ASIC2: variants seen among roughly 807,000 people sequenced by gnomAD.
The protein encoded by ASIC2 is acid sensing ion channel subunit 2.
ASIC2 carries 25 observed loss-of-function variants against 57.3 expected under a neutral mutation model. That is an observed-to-expected ratio of 0.44 (90% CI 0.32 to 0.61). The LOEUF (loss-of-function observed/expected upper bound fraction) is 0.61, where lower values mean the gene tolerates loss of function less well. Among genes scored for constraint, ASIC2 ranks in the 20% least tolerant of loss-of-function variants. ASIC2 has a pLI of 0.06. For missense variants in ASIC2, 641 were observed against 738.1 expected (o/e 0.87, Z 1.52); for synonymous variants, 319 against 307.5 (o/e 1.04, Z -0.39).
chr17:33,636,707 C>T (rs982515307), intron 1 of ASIC2, among the ~76,000 whole-genome samples: 2 of 152,154 alleles, frequency 1.3e-5, no homozygotes, highest in Non-Finnish European at 2.9e-5. Flanking sequence ...TTCTGAAAGT[C>T]TTTATCTGGA....
At chr17:34,136,664 C>A (rs1912135407) in intron 1 of ASIC2, among the ~76,000 whole-genome samples, 1 of 152,176 alleles carries the variant, frequency 6.6e-6, no homozygotes, top group Non-Finnish European at 1.5e-5. Flanking sequence ...ATGTCTTTGC[C>A]TGTAACTTCT....
At chr17:33,063,358 C>T (rs1181236073) in intron 3 of ASIC2, among the ~76,000 whole-genome samples, 14 of 152,160 alleles carry the variant, frequency 9.2e-5, no homozygotes, top group East Asian at 1.9e-4. Flanking sequence ...GCAGGCCTGG[C>T]GGTGACAAAA....
chr17:34,105,883 T>C (rs1911031334), intron 1 of ASIC2, among the ~76,000 whole-genome samples: 1 of 152,044 alleles, frequency 6.6e-6, no homozygotes, highest in African/African-American at 2.4e-5. Context: ...ACATAACCAC[T>C]GCAATTATTA....
At chr17:33,199,588 T>TA (rs1180778820) in intron 1 of ASIC2, among the ~76,000 whole-genome samples, 1 of 152,242 alleles carries the variant, frequency 6.6e-6, no homozygotes, top group African/African-American at 2.4e-5. Context: ...CATAAAGTGA[T>TA]ACAGCAGCAT....
At chr17:33,791,371 T>C (rs1404733773) in intron 1 of ASIC2, among the ~76,000 whole-genome samples, 2 of 152,122 alleles carry the variant, frequency 1.3e-5, no homozygotes, top group Admixed American at 6.5e-5. Context: ...AGGGTGTAAA[T>C]AGGCTATCAG....
chr17:33,373,724 C>T (rs1330076613), intron 1 of ASIC2, among the ~76,000 whole-genome samples: 1 of 152,072 alleles, frequency 6.6e-6, no homozygotes, highest in Admixed American at 6.6e-5. Context: ...GTTGCCCAGG[C>T]TGGAGTACAG....
At chr17:33,584,322 G>A (rs1904542816) in intron 1 of ASIC2, among the ~76,000 whole-genome samples, 2 of 152,154 alleles carry the variant, frequency 1.3e-5, no homozygotes, top group Admixed American at 6.5e-5. Flanking sequence ...CTGGAAGCTG[G>A]TTCTTAGAGT....
At chr17:33,411,399 T>A (rs1488308535) in intron 1 of ASIC2, among the ~76,000 whole-genome samples, 2 of 152,220 alleles carry the variant, frequency 1.3e-5, no homozygotes, top group African/African-American at 2.4e-5. Context: ...CAGGCCAGAT[T>A]TCCAGAACTG....
At chr17:33,170,328 G>C (rs1185582732) in intron 1 of ASIC2, among the ~76,000 whole-genome samples, 1 of 152,160 alleles carries the variant, frequency 6.6e-6, no homozygotes, top group Non-Finnish European at 1.5e-5. Flanking sequence ...ATTACAAAAA[G>C]ATTCACCTCT....
chr17:33,776,224 G>T (rs931078680), intron 1 of ASIC2, among the ~76,000 whole-genome samples: 2 of 152,158 alleles, frequency 1.3e-5, no homozygotes, highest in African/African-American at 4.8e-5. Flanking sequence ...ATTGGTATTA[G>T]GAGGTGGGGC....
At chr17:33,290,423 A>G (rs536655946) in intron 1 of ASIC2, among the ~76,000 whole-genome samples, 15 of 152,260 alleles carry the variant, frequency 9.9e-5, no homozygotes, top group Non-Finnish European at 2.1e-4. Context: ...ACATTTACAC[A>G]CGAATGGCTG....
At chr17:33,706,196 A>T (rs1318412327) in intron 1 of ASIC2, among the ~76,000 whole-genome samples, 1 of 107,262 alleles carries the variant, frequency 9.3e-6, no homozygotes, top group African/African-American at 4.0e-5. Context: ...GACTATACAT[A>T]TATGATTCAT....
intron 1 of ASIC2, among the ~76,000 whole-genome samples, chr17:33,246,835 C>CA (rs1597649449): frequency 1.3e-5 from 2 of 152,196 alleles, no homozygotes; most frequent in African/African-American, 4.8e-5. Flanking sequence ...CAAGCTCACA[C>CA]AGTGAGTCGG....
At chr17:33,595,855 A>G (rs901138962) in intron 1 of ASIC2, among the ~76,000 whole-genome samples, 1 of 152,204 alleles carries the variant, frequency 6.6e-6, no homozygotes, top group Non-Finnish European at 1.5e-5. Context: ...TTCCCATGAG[A>G]GGCTGGGCCC....
chr17:33,873,791 G>A (rs1428251256), intron 1 of ASIC2, among the ~76,000 whole-genome samples: 1 of 152,150 alleles, frequency 6.6e-6, no homozygotes, highest in African/African-American at 2.4e-5. Flanking sequence ...CAGAGAGAAT[G>A]AGAATCATGC....
At chr17:33,128,785 C>T (rs1271161894) in intron 1 of ASIC2, among the ~76,000 whole-genome samples, 1 of 152,226 alleles carries the variant, frequency 6.6e-6, no homozygotes, top group East Asian at 1.9e-4. Flanking sequence ...CCAACACTCA[C>T]AGTCGGTGAA....
chr17:33,172,518 C>G (rs892445164), intron 1 of ASIC2, among the ~76,000 whole-genome samples: 1 of 152,094 alleles, frequency 6.6e-6, no homozygotes, highest in African/African-American at 2.4e-5. Flanking sequence ...TCCTTACCCC[C>G]TAGGAGACAA....
intron 1 of ASIC2, among the ~76,000 whole-genome samples, chr17:33,891,070 G>A (rs1914949933): frequency 6.6e-6 from 1 of 152,192 alleles, no homozygotes; most frequent in Non-Finnish European, 1.5e-5. Context: ...GGTGCCTGAT[G>A]TAGAGGAGTG....
At chr17:33,518,387 A>C (rs1271286374) in intron 1 of ASIC2, among the ~76,000 whole-genome samples, 1 of 152,176 alleles carries the variant, frequency 6.6e-6, no homozygotes, top group Non-Finnish European at 1.5e-5. Context: ...CCCCTGCATG[A>C]TGTGGCAGGG....
Sources: gnomAD v4.1 joint callset for allele counts (sites outside exome capture counted in the v4.1 genomes callset) on GRCh38, gnomAD v4.1.1 for gene constraint, MANE v1.5 for transcripts, NCBI Gene and HGNC (gene_info 2026-07-23, HGNC 2026-07-21) for gene names.